MGAT4C: variants seen among roughly 807,000 people sequenced by gnomAD.
MGAT4C encodes MGAT4 family member C, also known as alpha-1,3-mannosyl-glycoprotein 4-beta-N-acetylglucosaminyltransferase C.
Under a neutral mutation model 40.1 loss-of-function variants are expected in MGAT4C, and 19 were observed. The observed-to-expected ratio is 0.47, with a 90% CI of 0.33 to 0.70. The LOEUF (loss-of-function observed/expected upper bound fraction) is 0.70, where lower values mean the gene tolerates loss of function less well. Among genes scored for constraint, MGAT4C ranks in the 30% least tolerant of loss-of-function variants. The pLI is 0.02. For missense variants in MGAT4C, 491 were observed against 563.2 expected (o/e 0.87, Z 1.30); for synonymous variants, 181 against 187.1 (o/e 0.97, Z 0.27).
chr12:86,585,675 AG>A (rs1960989142), intron 2 of MGAT4C, among the ~76,000 whole-genome samples: 1 of 150,702 alleles, frequency 6.6e-6, no homozygotes, highest in Non-Finnish European at 1.5e-5. Context: ...TTTTTCTTTA[AG>A]GCATCATGAA....
In MGAT4C at chr12:85,970,190, T is replaced by C. The variant is rs1287001537; in HGVS notation, c.*9099A>G. The C allele has an allele frequency of 6.6e-6, 1 of 151,268 alleles. No homozygotes were observed. The highest frequency in any genetic ancestry group is 1.5e-5 in the Non-Finnish European group (1 of 67,392). 9.4% of individuals were successfully genotyped at this position (151,268 alleles called of 1,614,324 possible). On this transcript the variant is annotated 3_prime_UTR_variant, in exon 5 of 5. Transcript: ENST00000611864. ...AGATTGTTAAATTGAACTGAATATC[T>C]TTGCTAAGTCACAGGCATTGATTAA...
At chr12:86,301,225 A>G (rs1443524763) in intron 4 of MGAT4C, among the ~76,000 whole-genome samples, 3 of 152,196 alleles carry the variant, frequency 2.0e-5, no homozygotes, top group African/African-American at 7.2e-5. Flanking sequence ...TGGTCTTTGT[A>G]ACTGAAAGAG....
chr12:86,457,544 C>T (rs1957529128), intron 2 of MGAT4C, among the ~76,000 whole-genome samples: 1 of 152,046 alleles, frequency 6.6e-6, no homozygotes, highest in Non-Finnish European at 1.5e-5. Context: ...TCTTTGCTTT[C>T]AGGTCATGAT....
chr12:85,998,346 T>G (rs1886883538), intron 2 of MGAT4C, among the ~76,000 whole-genome samples: 1 of 152,162 alleles, frequency 6.6e-6, no homozygotes, highest in South Asian at 2.1e-4. Context: ...CCTGGAGACA[T>G]TTTCCCTATT....
At chr12:86,522,204 G>T (rs1215400275) in intron 2 of MGAT4C, among the ~76,000 whole-genome samples, 1 of 152,110 alleles carries the variant, frequency 6.6e-6, no homozygotes, top group Non-Finnish European at 1.5e-5. Context: ...AATGCTTTCA[G>T]CTCTTGTCCA....
intron 2 of MGAT4C, among the ~76,000 whole-genome samples, chr12:86,693,779 T>A (rs989697100): frequency 8.5e-5 from 13 of 152,194 alleles, no homozygotes; most frequent in Non-Finnish European, 1.5e-5. Flanking sequence ...ATTTCAATAA[T>A]AAAATATTTT....
chr12:86,632,762 TG>T (rs1296329294), intron 2 of MGAT4C, among the ~76,000 whole-genome samples: 1 of 42,962 alleles, frequency 2.3e-5, no homozygotes, highest in Non-Finnish European at 4.8e-5. Context: ...TGTTGTGGGG[TG>T]GGGGGATGGG....
At chr12:86,678,372 T>G (rs1250324800) in intron 2 of MGAT4C, among the ~76,000 whole-genome samples, 2 of 152,130 alleles carry the variant, frequency 1.3e-5, no homozygotes, top group Non-Finnish European at 2.9e-5. Context: ...TTGGTTGCAC[T>G]ATTCATAACC....
intron 2 of MGAT4C, among the ~76,000 whole-genome samples, chr12:86,701,124 A>G (rs1033608033): frequency 3.9e-5 from 6 of 152,158 alleles, no homozygotes; most frequent in African/African-American, 1.4e-4. Flanking sequence ...GAAATATTAA[A>G]TGCTTTAAAA....
intron 2 of MGAT4C, among the ~76,000 whole-genome samples, chr12:86,610,096 T>C (rs1182012094): frequency 2.0e-5 from 3 of 152,156 alleles, no homozygotes; most frequent in African/African-American, 7.2e-5. Context: ...TCACTGACCA[T>C]GCATGGCAAT....
intron 1 of MGAT4C, among the ~76,000 whole-genome samples, chr12:86,105,339 A>G (rs369501746): frequency 6.6e-6 from 1 of 152,176 alleles, no homozygotes; most frequent in African/African-American, 2.4e-5. Context: ...CAACAAAACC[A>G]AAAACCACAT....
rs767397824 is a variant in MGAT4C, at chr12:86,713,736, T to C, written c.-229+13473A>G. Among the ~76,000 whole-genome samples the C allele has an allele frequency of 4.6e-5, 7 of 152,214 alleles. 1 individual carries two copies. In the South Asian group the frequency reaches 8.3e-4, roughly 18 times the overall value. On this transcript the variant is annotated intron_variant, in intron 2 of 7. Coordinates refer to the MGAT4C transcript ENST00000548651. ...ATGAAGTCAGCACCATTGATATCTC[T>C]ATTTTAAGGATGAGGAATCTGAGGC...
intron 4 of MGAT4C, among the ~76,000 whole-genome samples, chr12:86,289,480 T>C (rs981746567): frequency 3.3e-5 from 5 of 152,226 alleles, no homozygotes; most frequent in Admixed American, 2.0e-4. Context: ...GTAATGAATC[T>C]GTAAATTGCT....
At chr12:86,792,458 T>C (rs1952040636) in intron 1 of MGAT4C, among the ~76,000 whole-genome samples, 1 of 151,904 alleles carries the variant, frequency 6.6e-6, no homozygotes, top group Non-Finnish European at 1.5e-5. Context: ...AAAGAGAAAA[T>C]TTCCTGGTAT....
In MGAT4C at chr12:86,291,552, T is replaced by C. The variant is rs12370764; in HGVS notation, c.-57+42513A>G. Among the ~76,000 whole-genome samples, 489 of 152,318 alleles carry C rather than the reference T, an allele frequency of 3.2e-3. 2 individuals are homozygous for C. The highest frequency in any genetic ancestry group is 5.9e-3 in the Non-Finnish European group (401 of 68,016). Reference sequence around the variant, plus strand: ...GGATTCCATAAATGCCATGGATCAATGACTTCTGTGTGCCTTCTATTCTCG... The same window carrying C: ...GGATTCCATAAATGCCATGGATCAACGACTTCTGTGTGCCTTCTATTCTCG... On this transcript the variant is annotated intron_variant, in intron 4 of 7. Coordinates refer to the MGAT4C transcript ENST00000548651.
At chr12:86,535,383 T>G (rs964308950) in intron 2 of MGAT4C, among the ~76,000 whole-genome samples, 13 of 152,050 alleles carry the variant, frequency 8.5e-5, no homozygotes, top group African/African-American at 3.1e-4. Context: ...CAGAATAGAG[T>G]AATGCAATGT....
chr12:86,330,066 G>C (rs1017814532), intron 4 of MGAT4C, among the ~76,000 whole-genome samples: 4 of 152,152 alleles, frequency 2.6e-5, no homozygotes, highest in African/African-American at 7.2e-5. Context: ...ACTTATTGTA[G>C]ACTGAGTATT....
intron 1 of MGAT4C, among the ~76,000 whole-genome samples, chr12:86,799,724 A>G (rs1219095532): frequency 2.0e-5 from 3 of 151,580 alleles, no homozygotes; most frequent in Non-Finnish European, 2.9e-5. Context: ...CTTTTCTCTT[A>G]CTATTTTTAT....
chr12:85,980,130 C>A lies in MGAT4C; in HGVS notation c.596G>T (p.Arg199Leu), dbSNP rs770702724. The A allele has an allele frequency of 9.3e-6, 15 of 1,613,778 alleles. No individual in the cohort carries two copies. Among genetic ancestry groups the A allele is most frequent in the African/African-American group, 4.0e-5 (3 of 74,870 alleles). Reference sequence around the variant, plus strand: ...AGCATAATCTACATTTTGCTTGGAACGAAATTTGACTCTATCTTCTGGATC... The same window carrying A: ...AGCATAATCTACATTTTGCTTGGAAAGAAATTTGACTCTATCTTCTGGATC... ...YNDPEDRVKFRSKQNVDYAFL... is the reference protein window; with the variant it reads ...YNDPEDRVKFLSKQNVDYAFL... Residue 199 changes from arginine (R) to leucine (L), a missense_variant, in exon 5 of 5, where the codon CGT becomes CTT. Arg to Leu is a moderately radical substitution (Grantham distance 102). Coordinates refer to ENST00000611864, the MANE Select transcript of MGAT4C (RefSeq NM_001351288.2).
Sources: allele counts gnomAD v4.1 joint callset (sites outside exome capture counted in the v4.1 genomes callset), GRCh38; gene constraint gnomAD v4.1.1; transcripts MANE v1.5; gene names NCBI Gene and HGNC (gene_info 2026-07-23, HGNC 2026-07-21).